Variants in RAD51B observed in about 807,000 individuals in gnomAD.
RAD51B encodes the protein RAD51 paralog B.
Under a neutral mutation model 42.2 loss-of-function variants are expected in RAD51B, and 38 were observed. That is an observed-to-expected ratio of 0.90 (90% CI 0.70 to 1.18). The LOEUF (loss-of-function observed/expected upper bound fraction) is 1.18. RAD51B is among the 50% of genes most tolerant of loss of function. RAD51B has a pLI of 0.00. For missense variants in RAD51B, 373 were observed against 400.7 expected, an observed-to-expected ratio of 0.93 and a Z score of 0.59; for synonymous variants, 154 against 145.2, an observed-to-expected ratio of 1.06 and a Z score of -0.43.
chr14:68,075,769 AG>A (rs1481193994), intron 7 of RAD51B, among the ~76,000 whole-genome samples: 1 of 149,006 alleles, frequency 6.7e-6, no homozygotes, highest in African/African-American at 2.5e-5. Flanking sequence ...GGTAAAGAGG[AG>A]GGGGTGAGGG....
chr14:68,502,088 G>A (rs533490773), intron 10 of RAD51B, among the ~76,000 whole-genome samples: 3 of 152,364 alleles, frequency 2.0e-5, no homozygotes, highest in East Asian at 3.9e-4. Context: ...GGGAGGGGAC[G>A]TCAATGTGCT....
intron 3 of RAD51B, 75 bp downstream of exon 3, chr14:67,825,652 G>A: frequency 1.8e-6 from 2 of 1,105,880 alleles, no homozygotes; most frequent in Non-Finnish European, 2.5e-6. Context: ...TAGGGATGAG[G>A]CACATGCAGA....
At chr14:68,279,958 G>T (rs2081290632) in intron 7 of RAD51B, among the ~76,000 whole-genome samples, 1 of 152,158 alleles carries the variant, frequency 6.6e-6, no homozygotes, top group South Asian at 2.1e-4. Flanking sequence ...GTTGTTTGTG[G>T]CTCTTCCACA....
chr14:68,099,781 G>T (rs970260741), intron 7 of RAD51B, among the ~76,000 whole-genome samples: 16 of 152,334 alleles, frequency 1.1e-4, no homozygotes, highest in African/African-American at 3.4e-4. Flanking sequence ...TAATGCTGCG[G>T]TTGTTCTGCT....
At chr14:68,634,274 G>T (rs1892296459) in intron 10 of RAD51B, among the ~76,000 whole-genome samples, 1 of 152,154 alleles carries the variant, frequency 6.6e-6, no homozygotes, top group African/African-American at 2.4e-5. Context: ...GTTATTCTTT[G>T]TATTATTACT....
chr14:68,538,003 G>A (rs1887740859), intron 10 of RAD51B, among the ~76,000 whole-genome samples: 1 of 152,170 alleles, frequency 6.6e-6, no homozygotes, highest in African/African-American at 2.4e-5. Flanking sequence ...GTTTATTTAA[G>A]TCAGCGATCT....
intron 1 of RAD51B, among the ~76,000 whole-genome samples, chr14:67,822,784 A>G (rs987140715): frequency 4.6e-5 from 7 of 152,208 alleles, no homozygotes; most frequent in South Asian, 2.1e-4. Context: ...CAGTGATAAA[A>G]TCTCATTTGA....
chr14:68,437,630 G>A, intron 9 of RAD51B, among the ~76,000 whole-genome samples: 1 of 152,008 alleles, frequency 6.6e-6, no homozygotes, highest in East Asian at 1.9e-4. Flanking sequence ...ATCCTTTCTG[G>A]GTACATATGT....
intron 11 of RAD51B, among the ~76,000 whole-genome samples, chr14:68,667,088 A>G (rs1435714659): frequency 6.6e-6 from 1 of 152,244 alleles, no homozygotes; most frequent in African/African-American, 2.4e-5. Flanking sequence ...TGACTAATGT[A>G]GATGTATCTA....
chr14:68,025,474 G>T, intron 7 of RAD51B, among the ~76,000 whole-genome samples: 1 of 126,424 alleles, frequency 7.9e-6, no homozygotes, highest in African/African-American at 3.4e-5. Context: ...ATCTGGTCTA[G>T]GCTTTTTTTT....
At chr14:68,511,426 C>G (rs1885719158) in intron 10 of RAD51B, among the ~76,000 whole-genome samples, 1 of 152,146 alleles carries the variant, frequency 6.6e-6, no homozygotes, top group Non-Finnish European at 1.5e-5. Context: ...GGTCAAGCTC[C>G]CAGAATCACC....
intron 7 of RAD51B, among the ~76,000 whole-genome samples, chr14:68,004,265 G>A (rs1195025713): frequency 3.3e-5 from 5 of 150,308 alleles, no homozygotes; most frequent in African/African-American, 1.2e-4. Context: ...CCCGGGAGGT[G>A]GAGGTTGCAG....
At chr14:67,935,678 A>T (rs533582388) in intron 7 of RAD51B, among the ~76,000 whole-genome samples, 1 of 152,330 alleles carries the variant, frequency 6.6e-6, no homozygotes, top group Admixed American at 6.5e-5. Context: ...ACTCTTTTAA[A>T]TTTTAAAGTG....
At chr14:68,604,595 A>T (rs1360620825) in intron 10 of RAD51B, among the ~76,000 whole-genome samples, 1 of 152,090 alleles carries the variant, frequency 6.6e-6, no homozygotes, top group Non-Finnish European at 1.5e-5. Flanking sequence ...GGCCCTGCCC[A>T]TTAACAGCTG....
At chr14:67,888,805 T>G (rs1181182536) in intron 7 of RAD51B, among the ~76,000 whole-genome samples, 2 of 152,110 alleles carry the variant, frequency 1.3e-5, no homozygotes, top group Admixed American at 1.3e-4. Flanking sequence ...CCATTTTATA[T>G]GAGGGACTTG....
At chr14:67,866,889 A>C (rs538698756) in intron 5 of RAD51B, among the ~76,000 whole-genome samples, 1 of 152,346 alleles carries the variant, frequency 6.6e-6, no homozygotes, top group South Asian at 2.1e-4. Context: ...ATGAAGAGGT[A>C]ATATTTTAGC....
chr14:68,490,445 C>T (rs1435852898), intron 10 of RAD51B, among the ~76,000 whole-genome samples: 1 of 152,166 alleles, frequency 6.6e-6, no homozygotes, highest in Non-Finnish European at 1.5e-5. Flanking sequence ...AAGGCAGAAA[C>T]ACTCCGATTC....
intron 7 of RAD51B, among the ~76,000 whole-genome samples, chr14:68,197,397 A>G (rs2079394592): frequency 6.6e-6 from 1 of 152,166 alleles, no homozygotes; most frequent in Non-Finnish European, 1.5e-5. Context: ...ATGCCATTGT[A>G]AAAATATAAG....
At chr14:68,269,640 C>T (rs1404077124) in intron 7 of RAD51B, among the ~76,000 whole-genome samples, 7 of 152,190 alleles carry the variant, frequency 4.6e-5, no homozygotes. Context: ...TCCTGGTTTT[C>T]TTGTTTACTG....
Sources: gnomAD v4.1 joint callset for allele counts (sites outside exome capture counted in the v4.1 genomes callset) on GRCh38, gnomAD v4.1.1 for gene constraint, MANE v1.5 for transcripts, NCBI Gene and HGNC (gene_info 2026-07-23, HGNC 2026-07-21) for gene names.